CDT1: variants seen among roughly 807,000 people sequenced by gnomAD.
The protein encoded by CDT1 is DNA replication factor Cdt1.
Under a neutral mutation model 49.3 loss-of-function variants are expected in CDT1, and 66 were observed. The ratio of observed to expected loss-of-function variants is 1.34; its 90% CI spans 1.10 to 1.64. The LOEUF (loss-of-function observed/expected upper bound fraction) is 1.64. Among genes scored for constraint, CDT1 ranks in the 40% most tolerant of loss-of-function variants. The pLI, the probability that CDT1 is intolerant of heterozygous loss-of-function variation, is 0.00. For missense variants in CDT1, 958 were observed against 807.7 expected (o/e 1.19, Z -2.26); for synonymous variants, 424 against 347.4 (o/e 1.22, Z -2.45).
chr16:88,805,032 C>T, intron 3 of CDT1, 134 bp downstream of exon 3: 1 of 1,248,590 alleles, frequency 8.0e-7, no homozygotes, highest in Non-Finnish European at 1.1e-6. Context: ...GGGCGCGGAC[C>T]CAGACCCCTG....
Position 88,807,282 on chromosome 16 carries a change from TCCGAG to T in CDT1, c.1280_1284del (p.Arg427GlnfsTer28). On this transcript the variant is annotated frameshift_variant and splice_region_variant, in exon 9 of 10. Transcript: ENST00000301019. LOFTEE classifies it high-confidence loss of function. ...ACCAGGTCCCGGTACCTGCTGCAGA[TCCGAG>T]CCAAGGAGGCACAGAAGCAGCTGGC... 1 of 1,612,034 alleles carries T rather than the reference TCCGAG, an allele frequency of 6.2e-7. No individual in the cohort carries two copies. The highest frequency in any genetic ancestry group is 1.3e-5 in the African/African-American group (1 of 75,036).
chr16:88,805,309 C>A, intron 3 of CDT1, 131 bp from the exon 4 acceptor site: 1 of 1,088,944 alleles, frequency 9.2e-7, no homozygotes, highest in Non-Finnish European at 1.4e-6. Context: ...GGTGGGTGTG[C>A]AAGGGCCGCG....
In CDT1 at chr16:88,807,148, C is replaced by G. The variant is rs773731569; in HGVS notation, c.1220C>G (p.Pro407Arg). 4.3e-6 allele frequency: 7 copies of G among 1,612,440 alleles called. No homozygotes were observed. The highest frequency in any genetic ancestry group is 5.9e-6 in the Non-Finnish European group (7 of 1,179,874). Residue 407 changes from proline (P) to arginine (R), a missense_variant, in exon 8 of 10, where the codon CCG becomes CGG. By Grantham distance (103) the Pro-to-Arg change is moderately radical. Coordinates refer to ENST00000301019, the MANE Select transcript of CDT1 (RefSeq NM_030928.4). ...CTGCCGGCTACCCCACCAGCCACCCCGCCTGCAGCCTCTCCCAGTGCTCTG... is the reference window on the plus strand; with the variant it reads ...CTGCCGGCTACCCCACCAGCCACCCGGCCTGCAGCCTCTCCCAGTGCTCTG... The part of the protein sequence containing the change: ...PALPATPPAT[P>R]PAASPSALKG...
Position 88,807,162 on chromosome 16 carries a change from C to G in CDT1, c.1234C>G (p.Pro412Ala). 6.2e-7 allele frequency: 1 copy of G among 1,612,544 alleles called. No homozygotes were observed. The highest frequency in any genetic ancestry group is 1.3e-5 in the African/African-American group (1 of 75,058). ...TPPATPPAAS[P>A]SALKGVSQDL... is the part of the protein sequence containing the mutation. Reference sequence around the variant, plus strand: ...ACCAGCCACCCCGCCTGCAGCCTCTCCCAGTGCTCTGAAGGGGGTGTCCCA... The same window carrying G: ...ACCAGCCACCCCGCCTGCAGCCTCTGCCAGTGCTCTGAAGGGGGTGTCCCA... Residue 412 changes from proline (P) to alanine (A), a missense_variant, in exon 8 of 10, where the codon CCC becomes GCC. Pro to Ala is a conservative substitution (Grantham distance 27, BLOSUM62 -1). Transcript: ENST00000301019.
chr16:88,808,431 C>A lies in CDT1; in HGVS notation c.*153C>A. ...GATGTGGGCTGCAGGCTGCACAGCC[C>A]GAGGGTCTCTGGCTGCGGGCGGTGG... On this transcript the variant is annotated 3_prime_UTR_variant, in exon 10 of 10. Transcript: ENST00000301019. The A allele has an allele frequency of 1.1e-6, 1 of 880,438 alleles. No homozygotes were observed. The highest frequency in any genetic ancestry group is 3.5e-4 in the Middle Eastern group (1 of 2,838). The allele number at this position is 880,438 out of a possible 1,614,324, so 54.5% of individuals were successfully genotyped here. A position where few individuals can be genotyped will look rare whatever the true frequency, so the allele number is the denominator to read the frequency against.
At chr16:88,807,243 C>T (rs1567502538) in intron 8 of CDT1, 38 bp from the exon 9 acceptor site, 2 of 1,611,170 alleles carry the variant, frequency 1.2e-6, no homozygotes, top group South Asian at 1.1e-5. Context: ...CGCCTGGTGA[C>T]CTGCTGCCCA....
chr16:88,806,348 T>C, intron 6 of CDT1, 138 bp from the exon 7 acceptor site: 1 of 1,170,632 alleles, frequency 8.5e-7, no homozygotes, highest in Non-Finnish European at 1.2e-6. Context: ...GTGCTCTCCC[T>C]CCAAGCTGAG....
In CDT1 at chr16:88,808,449, G is replaced by C. The variant is rs1908957354; in HGVS notation, c.*171G>C. ...CACAGCCCGAGGGTCTCTGGCTGCG[G>C]GCGGTGGGCCCCTTCATGGGGCTCA... On this transcript the variant is annotated 3_prime_UTR_variant, in exon 10 of 10. Transcript: ENST00000301019. The C allele has an allele frequency of 1.4e-6, 1 of 736,796 alleles. No homozygotes were observed. Among genetic ancestry groups the C allele is most frequent in the African/African-American group, 1.8e-5 (1 of 56,206 alleles). The allele number at this position is 736,796 out of a possible 1,614,324, so 45.6% of individuals were successfully genotyped here. A position where few individuals can be genotyped will look rare whatever the true frequency, so the allele number is the denominator to read the frequency against.
rs760970895 is a variant in CDT1, at chr16:88,808,209, C to T, written c.1572C>T (p.Asp524=). 2.6e-5 allele frequency: 42 copies of T among 1,612,022 alleles called. No individual in the cohort carries two copies. The highest frequency in any genetic ancestry group is 3.4e-5 in the Non-Finnish European group (40 of 1,179,680). Residue 524 remains aspartate (D), a synonymous_variant, in exon 10 of 10, where the codon GAC becomes GAT. Transcript: ENST00000301019. ...GCACCGACACCTACGTCAAGCTGGA[C>T]AAGGCCGCGGACCTCGCCCACATCA... ...RIRTDTYVKL[D]KAADLAHITA... is the part of the protein sequence containing the mutation.
At position 88,805,443 on chromosome 16, in the gene CDT1, C is replaced by T. The variant is rs749125732; in HGVS notation, c.492C>T (p.Gly164=). The part of the protein sequence containing the change: ...EAEGRPEEPC[G]EKAPAYQRFH... ...GAGGCTCCTCCCTCCCTGACAGTGG[C>T]GAGAAGGCGCCCGCCTACCAGCGCT... The change falls in exon 4 of 10, where the codon GGC becomes GGT. Residue 164 remains glycine, a synonymous_variant. Coordinates refer to ENST00000301019, the MANE Select transcript of CDT1 (RefSeq NM_030928.4). The T allele has an allele frequency of 5.0e-6, 8 of 1,612,542 alleles. No homozygotes were observed. In the Admixed American group the frequency reaches 5.0e-5, roughly 10 times the overall value.
Position 88,808,370 on chromosome 16 carries a change from C to T in CDT1, c.*92C>T, listed in dbSNP as rs15829. The T allele has an allele frequency of 0.31, 431,504 of 1,412,600 alleles. 76,780 individuals carry two copies. The highest frequency in any genetic ancestry group is 0.71 in the East Asian group (28,183 of 39,940). 87.5% of individuals were successfully genotyped at this position (1,412,600 alleles called of 1,614,324 possible). On this transcript the variant is annotated 3_prime_UTR_variant, in exon 10 of 10. Coordinates refer to ENST00000301019, the MANE Select transcript of CDT1 (RefSeq NM_030928.4). Reference sequence around the variant, plus strand: ...CTTTTATGAACATGATACACTTTGGCCTTCCTTTCCCCAGCGCCCCTGAGG... The same window carrying T: ...CTTTTATGAACATGATACACTTTGGTCTTCCTTTCCCCAGCGCCCCTGAGG...
intron 8 of CDT1, 35 bp downstream of exon 8, chr16:88,807,238 G>C (rs953673478): frequency 1.2e-6 from 2 of 1,611,052 alleles, no homozygotes; most frequent in Non-Finnish European, 1.7e-6. Flanking sequence ...GTGGGCGCCT[G>C]GTGACCTGCT....
At position 88,804,911 on chromosome 16, in the gene CDT1, T is replaced by G. The variant is rs989979305; in HGVS notation, c.488+13T>G. Reference sequence around the variant, plus strand: ...CTGAGGAGCCATGGTGAGTGCTGGGTGGGCGGCCACGAGGCCCCGGCAAAG... The same window carrying G: ...CTGAGGAGCCATGGTGAGTGCTGGGGGGGCGGCCACGAGGCCCCGGCAAAG... On this transcript the variant is annotated intron_variant, in intron 3 of 9. Transcript: ENST00000301019. 6.5e-7 allele frequency: 1 copy of G among 1,539,744 alleles called. No individual in the cohort carries two copies. Among genetic ancestry groups the G allele is most frequent in the South Asian group, 1.2e-5 (1 of 85,152 alleles).
rs534417526 is a variant in CDT1, at chr16:88,805,455, C to G, written c.504C>G (p.Pro168=). 6.2e-7 allele frequency: 1 copy of G among 1,612,686 alleles called. No homozygotes were observed. The highest frequency in any genetic ancestry group is 8.5e-7 in the Non-Finnish European group (1 of 1,179,920). The change falls in exon 4 of 10, where the codon CCC becomes CCG. Residue 168 remains proline, a synonymous_variant. Transcript: ENST00000301019. Reference sequence around the variant, plus strand: ...TCCCTGACAGTGGCGAGAAGGCGCCCGCCTACCAGCGCTTCCATGCCCTGG... The same window carrying G: ...TCCCTGACAGTGGCGAGAAGGCGCCGGCCTACCAGCGCTTCCATGCCCTGG... The part of the protein sequence containing the change: ...RPEEPCGEKA[P]AYQRFHALAQ...
Position 88,805,947 on chromosome 16 carries a change from A to G in CDT1, c.833-74A>G, listed in dbSNP as rs1391680925. The G allele has an allele frequency of 2.5e-6, 4 of 1,588,344 alleles. No homozygotes were observed. The African/African-American group carries it at 4.0e-5, about 16-fold the overall frequency. On this transcript the variant is annotated intron_variant, in intron 5 of 9. Coordinates refer to ENST00000301019, the MANE Select transcript of CDT1 (RefSeq NM_030928.4). ...CCAGGGTGGGTGTGAGGTGCTGGGC[A>G]TCTGGCCCAGGACTGGTCACGGGTG...
chr16:88,804,185 C>G (rs1597503951), intron 1 of CDT1, 126 bp downstream of exon 1: 5 of 717,724 alleles, frequency 7.0e-6, no homozygotes, highest in African/African-American at 1.9e-5. Context: ...GGACGGGGCG[C>G]AGGGAACTCT....
In CDT1 at chr16:88,804,640, G is replaced by A; in HGVS notation, c.324G>A (p.Pro108=). 1.2e-6 allele frequency: 2 copies of A among 1,612,510 alleles called. No homozygotes were observed. The highest frequency in any genetic ancestry group is 1.7e-6 in the Non-Finnish European group (2 of 1,179,760). ...IKKSTPAAGQ[P]PHLTSAQDQD... is the part of the protein sequence containing the mutation. Reference sequence around the variant, plus strand: ...AATCCACCCCGGCAGCAGGTCAGCCGCCCCACCTGACATCCGCGCAGGACC... The same window carrying A: ...AATCCACCCCGGCAGCAGGTCAGCCACCCCACCTGACATCCGCGCAGGACC... Residue 108 remains proline, a synonymous_variant, in exon 2 of 10, where the codon CCG becomes CCA. Coordinates refer to ENST00000301019, the MANE Select transcript of CDT1 (RefSeq NM_030928.4).
intron 4 of CDT1, 22 bp from the exon 5 acceptor site, chr16:88,805,702 A>T: frequency 1.2e-6 from 2 of 1,612,618 alleles, no homozygotes; most frequent in Non-Finnish European, 1.7e-6. Context: ...CTGCCTCCTG[A>T]GCCGCCCCCA....
Position 88,809,024 on chromosome 16 carries a change from G to A in CDT1, c.*746G>A, listed in dbSNP as rs1447644497. On this transcript the variant is annotated 3_prime_UTR_variant, in exon 10 of 10. Coordinates refer to ENST00000301019, the MANE Select transcript of CDT1 (RefSeq NM_030928.4). ...CAAAAAAAAAAATTTCAAGACTGGA[G>A]AGGTGATCCTGAATTGTCCAGCTAC... 5.6e-6 allele frequency: 1 copy of A among 177,704 alleles called. No individual in the cohort carries two copies. The highest frequency in any genetic ancestry group is 1.2e-5 in the Non-Finnish European group (1 of 82,676). 11.0% of individuals were successfully genotyped at this position (177,704 alleles called of 1,614,324 possible).
Sources: gnomAD v4.1 joint callset for allele counts on GRCh38, gnomAD v4.1.1 for gene constraint, MANE v1.5 for transcripts, NCBI Gene and HGNC (gene_info 2026-07-23, HGNC 2026-07-21) for gene names.